The following IQANK1 variants were observed in gnomAD, a reference collection of about 807,000 sequenced individuals.
IQANK1 encodes the protein IQ motif and ankyrin repeat containing 1, also known as IQ motif and ankyrin repeat domain-containing protein 1.
In IQANK1, 30 loss-of-function variants were observed where a neutral mutation model predicts 22.6. The observed-to-expected ratio is 1.33, with a 90% confidence interval of 0.99 to 1.80. The LOEUF is 1.80. IQANK1 is among the 40% of genes most tolerant of loss of function. IQANK1 has a pLI of 0.00. For synonymous variants in IQANK1, 122 were observed against 99.6 expected, an observed-to-expected ratio of 1.23 and a Z score of -1.34; for missense variants, 275 against 235.2, an observed-to-expected ratio of 1.17 and a Z score of -1.11.
At chr8:143,785,253 CTTT>C (rs36118052) in intron 7 of IQANK1, among the ~76,000 whole-genome samples, 166 of 92,000 alleles carry the variant, frequency 1.8e-3, no homozygotes, top group Middle Eastern at 6.2e-3. Context: ...TGTTCTGTAT[CTTT>C]TTTTTTTTTT....
intron 3 of IQANK1, among the ~76,000 whole-genome samples, chr8:143,763,153 T>C (rs1314783553): frequency 1.3e-5 from 2 of 152,016 alleles, no homozygotes; most frequent in Admixed American, 6.6e-5. Context: ...GTAGCTGGGA[T>C]TACAGGCGCC....
intron 7 of IQANK1, among the ~76,000 whole-genome samples, chr8:143,777,639 T>A (rs775090802): frequency 5.3e-5 from 8 of 151,632 alleles, no homozygotes; most frequent in Non-Finnish European, 1.2e-4. Context: ...TGGTTTAATA[T>A]CATTAAAAAG....
rs1363184372 is a variant in IQANK1, at chr8:143,758,950, A to G, written c.176-12538A>G. On this transcript the variant is annotated intron_variant, in intron 3 of 13. Transcript: ENST00000527139. This position sits in a 1 kb window ranked among gnomAD's most constrained non-coding sequence, Gnocchi z 4.2. ...GCCCCAGGAGATGAGCTCCTCGCCCAAGCTGGAGAGCATCCGCTGCACCCG... is the reference window on the plus strand; with the variant it reads ...GCCCCAGGAGATGAGCTCCTCGCCCGAGCTGGAGAGCATCCGCTGCACCCG... 1 of 174,284 alleles carries G rather than the reference A, an allele frequency of 5.7e-6. No individual in the cohort carries two copies. The highest frequency in any genetic ancestry group is 2.4e-5 in the African/African-American group (1 of 41,594). 10.8% of individuals were successfully genotyped at this position (174,284 alleles called of 1,614,324 possible). A position where few individuals can be genotyped will look rare whatever the true frequency, so the allele number is the denominator to read the frequency against.
intron 7 of IQANK1, among the ~76,000 whole-genome samples, chr8:143,783,863 TGTGCCC>T (rs1819839674): frequency 6.6e-6 from 1 of 152,230 alleles, no homozygotes; most frequent in South Asian, 2.1e-4. Flanking sequence ...CACCATCAAC[TGTGCCC>T]TAAGTCAAGT....
chr8:143,748,697 TATAA>T (rs1196704139), intron 3 of IQANK1, among the ~76,000 whole-genome samples: 12 of 116,216 alleles, frequency 1.0e-4, no homozygotes, highest in Non-Finnish European at 1.9e-4. Context: ...ATATATCATA[TATAA>T]ATATATAAAT....
At chr8:143,776,352 G>GA (rs1282501546) in intron 7 of IQANK1, among the ~76,000 whole-genome samples, 1 of 143,184 alleles carries the variant, frequency 7.0e-6, no homozygotes, top group South Asian at 2.2e-4. Context: ...AAAAGAAAAA[G>GA]AAAAAAGAAA....
At chr8:143,763,883 T>G (rs979133300) in intron 3 of IQANK1, among the ~76,000 whole-genome samples, 1 of 151,964 alleles carries the variant, frequency 6.6e-6, no homozygotes, top group African/African-American at 2.4e-5. Flanking sequence ...GCAGGCAGAG[T>G]GGTTAACCCT....
At chr8:143,773,300 C>CAA (rs1185632785) in intron 7 of IQANK1, among the ~76,000 whole-genome samples, 42 of 79,664 alleles carry the variant, frequency 5.3e-4, no homozygotes, top group Admixed American at 1.1e-3. Context: ...GAGTGAGACT[C>CAA]AAAAAAAAAA....
chr8:143,787,192 T>C (rs1038899490), intron 7 of IQANK1, among the ~76,000 whole-genome samples: 1 of 152,108 alleles, frequency 6.6e-6, no homozygotes, highest in Non-Finnish European at 1.5e-5. Context: ...GGTCTAAATG[T>C]CTAGAAGTAT....
In IQANK1 at chr8:143,771,852, G is replaced by T. The variant is rs1339745168; in HGVS notation, c.358G>T (p.Glu120Ter). 3 of 394,694 alleles carry T rather than the reference G, an allele frequency of 7.6e-6. No individual in the cohort carries two copies. Among genetic ancestry groups the T allele is most frequent in the East Asian group, 7.2e-5 (2 of 27,800 alleles). The allele number at this position is 394,694 out of a possible 1,614,324, so 24.4% of individuals were successfully genotyped here. A position where few individuals can be genotyped will look rare whatever the true frequency, so the allele number is the denominator to read the frequency against. The change falls in exon 5 of 14, where the codon GAG becomes TAG. Residue 120 changes from glutamate to a stop codon, truncating the protein, a stop_gained. Transcript: ENST00000527139. LOFTEE classifies it high-confidence loss of function. This position sits in a 1 kb window ranked among gnomAD's most constrained non-coding sequence, Gnocchi z 6.0. ...REQEAARRLR[E>*]QEEAAQRERR... Reference sequence around the variant, plus strand: ...GCAGGAGGCCGCGCGGCGGCTGCGCGAGCAGGAGGAGGCGGCGCAGCGGGA... The same window carrying T: ...GCAGGAGGCCGCGCGGCGGCTGCGCTAGCAGGAGGAGGCGGCGCAGCGGGA...
At chr8:143,772,503 G>GGCCCCGGGAGGTGTGA (rs1366013240) in intron 7 of IQANK1, 21 bp downstream of exon 7, 8 of 399,288 alleles carry the variant, frequency 2.0e-5, no homozygotes, top group African/African-American at 1.0e-4. Context: ...CAGAGGTGTG[G>GGCCCCGGGAGGTGTGA]GCCCCGGGAG....
At chr8:143,740,139 C>T (rs1349907821) in intron 3 of IQANK1, among the ~76,000 whole-genome samples, 191 bp downstream of exon 3, 12 of 152,108 alleles carry the variant, frequency 7.9e-5, no homozygotes, top group Middle Eastern at 3.4e-3. Flanking sequence ...GCGACACGCC[C>T]GAGCCCCTCC....
At chr8:143,755,067 G>A (rs945740693) in intron 3 of IQANK1, among the ~76,000 whole-genome samples, 1 of 152,152 alleles carries the variant, frequency 6.6e-6, no homozygotes, top group Non-Finnish European at 1.5e-5. Flanking sequence ...TGAATACCAG[G>A]AGAAAGGATA....
At chr8:143,750,717 G>A (rs12677934) in intron 3 of IQANK1, among the ~76,000 whole-genome samples, 31,084 of 151,990 alleles carry the variant, frequency 0.2, 3,596 homozygotes, top group East Asian at 0.51. Flanking sequence ...GGAAGGCTGA[G>A]ATGGGAGGAT....
At chr8:143,747,961 T>TCCTTTCCTTTCCTTTC (rs1563769909) in intron 3 of IQANK1, among the ~76,000 whole-genome samples, 1 of 109,558 alleles carries the variant, frequency 9.1e-6, no homozygotes. Context: ...TCCTTTCCTT[T>TCCTTTCCTTTCCTTTC]CCTTTCCTTT....
At chr8:143,786,357 C>A (rs1345775519) in intron 7 of IQANK1, among the ~76,000 whole-genome samples, 3 of 152,148 alleles carry the variant, frequency 2.0e-5, no homozygotes, top group Admixed American at 2.0e-4. Flanking sequence ...TCCTTAGGAC[C>A]CCAAAGTGAG....
In IQANK1 at chr8:143,759,818, G is replaced by A. The variant is rs1819360597; in HGVS notation, c.176-11670G>A. ...TTGAGTTCATTAACCTGGTAGGAAA[G>A]AAAAATTGCAGGGCTTCCATTTAAC... On this transcript the variant is annotated intron_variant, in intron 3 of 13. Transcript: ENST00000527139. 2.0e-5 allele frequency: 3 copies of A among 152,196 alleles called. No individual in the cohort carries two copies. The South Asian group carries it at 6.2e-4, about 31-fold the overall frequency. 9.4% of individuals were successfully genotyped at this position (152,196 alleles called of 1,614,324 possible). A position where few individuals can be genotyped will look rare whatever the true frequency, so the allele number is the denominator to read the frequency against.
chr8:143,781,491 T>C (rs1239555931), intron 7 of IQANK1, among the ~76,000 whole-genome samples: 1 of 152,158 alleles, frequency 6.6e-6, no homozygotes, highest in Non-Finnish European at 1.5e-5. Flanking sequence ...CTTGAGTTGA[T>C]TTTTATGTAT....
chr8:143,779,334 C>T (rs1452575882), intron 7 of IQANK1, among the ~76,000 whole-genome samples: 1 of 152,168 alleles, frequency 6.6e-6, no homozygotes, highest in Non-Finnish European at 1.5e-5. Flanking sequence ...CTCGTTCACC[C>T]CTTAATCGTA....
Sources: allele counts gnomAD v4.1 joint callset (sites outside exome capture counted in the v4.1 genomes callset), GRCh38; gene constraint gnomAD v4.1.1; non-coding constraint Gnocchi (gnomAD v3.1); transcripts MANE v1.5; gene names NCBI Gene and HGNC (gene_info 2026-07-23, HGNC 2026-07-21).